Variants in AGAP3 observed in about 807,000 individuals in gnomAD.
AGAP3 encodes arf-GAP with GTPase, ANK repeat and PH domain-containing protein 3.
A neutral mutation model predicts 96.9 loss-of-function variants in AGAP3; 24 were observed. The observed-to-expected ratio is 0.25, with a 90% CI of 0.18 to 0.35. AGAP3 has a LOEUF of 0.35. Among genes scored for constraint, AGAP3 ranks in the 10% least tolerant of loss-of-function variants. AGAP3 has a pLI of 1.00. For synonymous variants in AGAP3, 563 were observed against 536.1 expected (o/e 1.05, Z -0.69); for missense variants, 876 against 1,254.2 (o/e 0.70, Z 4.55).
rs367827938 is a variant in AGAP3, at chr7:151,118,182, A to G, written c.707-28A>G. 7 of 1,587,014 alleles carry G rather than the reference A, an allele frequency of 4.4e-6. No individual in the cohort carries two copies. Among genetic ancestry groups the G allele is most frequent in the Non-Finnish European group, 4.3e-6 (5 of 1,162,120 alleles). Reference sequence around the variant, plus strand: ...CTACCCCAGCTTCTCCGAAAGCTGAATGACTCCCGCCCTCCCACCTCCAAC... The same window carrying G: ...CTACCCCAGCTTCTCCGAAAGCTGAGTGACTCCCGCCCTCCCACCTCCAAC... On this transcript the variant is annotated intron_variant, in intron 5 of 17. Coordinates refer to ENST00000397238, the MANE Select transcript of AGAP3 (RefSeq NM_031946.7). This position sits in a 1 kb window ranked among gnomAD's most constrained non-coding sequence, Gnocchi z 6.1.
chr7:151,101,387 C>G (rs1798829295), intron 1 of AGAP3, among the ~76,000 whole-genome samples: 1 of 152,208 alleles, frequency 6.6e-6, no homozygotes, highest in Non-Finnish European at 1.5e-5. Flanking sequence ...CTGACTCATG[C>G]CCTCCCTGTT....
upstream of AGAP3, chr7:151,085,906 T>C (rs963470529): frequency 9.2e-5 from 14 of 152,314 alleles, 1 homozygote; most frequent in Admixed American, 3.9e-4. Context: ...GTGGAGAGCC[T>C]GGGCAGGGAG....
At chr7:151,122,550 CCTCCTCCTCCTTGTCCTT>C (rs1337736244) in intron 8 of AGAP3, among the ~76,000 whole-genome samples, 21 of 151,730 alleles carry the variant, frequency 1.4e-4, no homozygotes, top group Admixed American at 6.5e-4. Flanking sequence ...TCCTCCTTCT[CCTCCTCCTCCTTGTCCTT>C]CTCCTCTTCC....
intron 11 of AGAP3, 95 bp downstream of exon 11, chr7:151,134,663 C>T: frequency 7.7e-7 from 1 of 1,297,126 alleles, no homozygotes; most frequent in Non-Finnish European, 1.1e-6. Flanking sequence ...AGCCTGGGCA[C>T]AGGGTGCTGG....
At chr7:151,113,717 A>G (rs1686743368) in intron 1 of AGAP3, among the ~76,000 whole-genome samples, 1 of 152,212 alleles carries the variant, frequency 6.6e-6, no homozygotes, top group African/African-American at 2.4e-5. Flanking sequence ...ATGACCGGAA[A>G]CTGGCTGGGC....
At chr7:151,090,481 A>G (rs1272057317) in intron 1 of AGAP3, 4 of 140,452 alleles carry the variant, frequency 2.8e-5, no homozygotes, top group Admixed American at 7.8e-5. Context: ...TACCCCACTC[A>G]CTTTCATTCA....
intron 8 of AGAP3, chr7:151,123,260 A>C: frequency 9.5e-7 from 1 of 1,053,084 alleles, no homozygotes; most frequent in Non-Finnish European, 1.1e-6. Context: ...TAGGATCCGC[A>C]TTCGGGTGGA....
At chr7:151,115,568 G>A (rs1434348737) in intron 1 of AGAP3, 15 of 1,141,006 alleles carry the variant, frequency 1.3e-5, no homozygotes, top group Non-Finnish European at 1.6e-5. Flanking sequence ...TCCGCCGGAG[G>A]GAGCCCGCGC....
intron 1 of AGAP3, among the ~76,000 whole-genome samples, chr7:151,088,973 A>C (rs1585027801): frequency 6.6e-6 from 1 of 151,798 alleles, no homozygotes; most frequent in South Asian, 2.1e-4. Flanking sequence ...CCGGTGTCTC[A>C]CTGTCACCAG....
intron 5 of AGAP3, 93 bp downstream of exon 5, chr7:151,117,870 A>C: frequency 6.8e-7 from 1 of 1,460,984 alleles, no homozygotes; most frequent in African/African-American, 1.4e-5. Flanking sequence ...GAAAGCCCCC[A>C]AGCCCCTACT....
In AGAP3 at chr7:151,118,051, G is replaced by A; in HGVS notation, c.707-159G>A. ...GCTGGTTTGCACTCAGTGAGGCCAT[G>A]GAAGGGTTGAAATGAGACCCAGGCA... is the stretch of plus-strand genomic sequence containing the variant. On this transcript the variant is annotated intron_variant, in intron 5 of 17. Coordinates refer to ENST00000397238, the MANE Select transcript of AGAP3 (RefSeq NM_031946.7). This position sits in a 1 kb window ranked among gnomAD's most constrained non-coding sequence, Gnocchi z 6.1. 9.7e-7 allele frequency: 1 copy of A among 1,034,124 alleles called. No homozygotes were observed. The highest frequency in any genetic ancestry group is 1.4e-6 in the Non-Finnish European group (1 of 718,254). 64.1% of individuals were successfully genotyped at this position (1,034,124 alleles called of 1,614,324 possible).
chr7:151,127,486 T>C (rs1800226766), intron 9 of AGAP3, among the ~76,000 whole-genome samples: 1 of 152,176 alleles, frequency 6.6e-6, no homozygotes, highest in Non-Finnish European at 1.5e-5. Flanking sequence ...TGTGCCCCTC[T>C]TCCCCCTATG....
chr7:151,120,741 C>T (rs1799842985), intron 8 of AGAP3: 5 of 1,207,698 alleles, frequency 4.1e-6, no homozygotes, highest in Admixed American at 2.9e-5. Flanking sequence ...GTTCCTCCCT[C>T]TCAGGTTTGT....
rs553574502 is a variant in AGAP3, at chr7:151,108,305, G to A, written c.332-8488G>A. Reference sequence around the variant, plus strand: ...GTACCATCTGTAGTACTACAATACCGCCATGTCACCGGCCTGGTGTCGAAA... The same window carrying A: ...GTACCATCTGTAGTACTACAATACCACCATGTCACCGGCCTGGTGTCGAAA... On this transcript the variant is annotated intron_variant, in intron 1 of 17. Transcript: ENST00000397238. The surrounding 1 kb of genome is among the most constrained non-coding windows in gnomAD (Gnocchi z 4.2). Among the ~76,000 whole-genome samples, 6 of 152,250 alleles carry A rather than the reference G, an allele frequency of 3.9e-5. No homozygotes were observed. The highest frequency in any genetic ancestry group is 7.2e-5 in the African/African-American group (3 of 41,548).
Position 151,090,745 on chromosome 7 carries a change from C to T in AGAP3, c.331+3673C>T, listed in dbSNP as rs555144373. On this transcript the variant is annotated intron_variant, in intron 1 of 17. Coordinates refer to ENST00000397238, the MANE Select transcript of AGAP3 (RefSeq NM_031946.7). ...GATCACGAGGTCAGGAGATCGAGAC[C>T]ATCCTGGTTAACATGGTGAAACCCC... Among the ~76,000 whole-genome samples, 2 of 152,242 alleles carry T rather than the reference C, an allele frequency of 1.3e-5. 1 individual carries two copies. Among genetic ancestry groups the T allele is most frequent in the African/African-American group, 4.8e-5 (2 of 41,542 alleles).
rs4725390 is a variant in AGAP3 at position 151,107,995 on chromosome 7, C to T, written c.332-8798C>T. The stretch of plus-strand genomic sequence containing the variant: ...CTGTGAGGTGTAGGATCCTCTGGCA[C>T]GGCACCGGCCCATGCGGGGGGTGCA... On this transcript the variant is annotated intron_variant, in intron 1 of 17. Coordinates refer to ENST00000397238, the MANE Select transcript of AGAP3 (RefSeq NM_031946.7). 0.017 allele frequency among the ~76,000 whole-genome samples: 2,590 copies of T among 152,312 alleles called. 119 individuals carry two copies. The East Asian group carries it at 0.18, about 11-fold the overall frequency.
intron 1 of AGAP3, among the ~76,000 whole-genome samples, chr7:151,093,527 G>A (rs570842012): frequency 3.0e-4 from 46 of 152,338 alleles, no homozygotes; most frequent in South Asian, 6.2e-4. Flanking sequence ...TTCAAATGTA[G>A]AAGTAGGAAG....
intron 1 of AGAP3, among the ~76,000 whole-genome samples, chr7:151,090,904 A>G (rs1798369606): frequency 1.3e-5 from 2 of 152,132 alleles, no homozygotes; most frequent in African/African-American, 4.8e-5. Flanking sequence ...AGATCGCACC[A>G]CTGCACTCCA....
intron 1 of AGAP3, among the ~76,000 whole-genome samples, chr7:151,098,220 A>C (rs1798688405): frequency 6.6e-6 from 1 of 152,192 alleles, no homozygotes; most frequent in Non-Finnish European, 1.5e-5. Context: ...TTAGCCAGGC[A>C]TGGTGGCGCA....
Sources: allele counts gnomAD v4.1 joint callset (sites outside exome capture counted in the v4.1 genomes callset), GRCh38; gene constraint gnomAD v4.1.1; non-coding constraint Gnocchi (gnomAD v3.1); transcripts MANE v1.5; gene names NCBI Gene and HGNC (gene_info 2026-07-23, HGNC 2026-07-21).